BRINP3: variants seen among roughly 807,000 people sequenced by gnomAD.
The protein encoded by BRINP3 is BMP/retinoic acid-inducible neural-specific protein 3.
A neutral mutation model predicts 71.0 loss-of-function variants in BRINP3; 19 were observed. The observed-to-expected ratio is 0.27, with a 90% CI of 0.19 to 0.39. The LOEUF (loss-of-function observed/expected upper bound fraction) is 0.39, where lower values mean the gene tolerates loss of function less well. Among genes scored for constraint, BRINP3 ranks in the 10% least tolerant of loss-of-function variants. BRINP3 has a pLI of 1.00. For missense variants in BRINP3, 959 were observed against 940.8 expected (o/e 1.02, Z -0.25); for synonymous variants, 380 against 337.7 (o/e 1.13, Z -1.37).
chr1:190,472,138 T>A (rs932967119), intron 1 of BRINP3, among the ~76,000 whole-genome samples: 16 of 151,648 alleles, frequency 1.1e-4, no homozygotes, highest in African/African-American at 3.9e-4. Context: ...TATTTGTCCT[T>A]TTAAAGCATC....
chr1:190,352,551 C>G lies in BRINP3; in HGVS notation c.237-70801G>C, dbSNP rs559977619. On this transcript the variant is annotated intron_variant, in intron 2 of 7. Transcript: ENST00000367462. ...ATGATTAAAAATAGAGAGATTGAAGCTCTTAATTGAAGTAAACATATCATA... is the reference window on the plus strand; with the variant it reads ...ATGATTAAAAATAGAGAGATTGAAGGTCTTAATTGAAGTAAACATATCATA... Among the ~76,000 whole-genome samples the G allele has an allele frequency of 2.6e-5, 4 of 151,940 alleles. No homozygotes were observed. The East Asian group carries it at 7.8e-4, about 29-fold the overall frequency.
chr1:190,169,872 T>A (rs1240792194), intron 6 of BRINP3, among the ~76,000 whole-genome samples: 2 of 152,198 alleles, frequency 1.3e-5, no homozygotes, highest in African/African-American at 4.8e-5. Flanking sequence ...GCACTTTACA[T>A]GGATTAGCCC....
In BRINP3 at chr1:190,462,693, G is replaced by A. The variant is rs1156869703; in HGVS notation, c.-50-7753C>T. The stretch of plus-strand genomic sequence containing the variant: ...CGAAATTTTCTTATTTCAGTTCTCA[G>A]CAGCACAGTGTAGTATATATTAAGA... On this transcript the variant is annotated intron_variant, in intron 1 of 7. Transcript: ENST00000367462. Among the ~76,000 whole-genome samples, 3 of 152,006 alleles carry A rather than the reference G, an allele frequency of 2.0e-5. No homozygotes were observed. In the South Asian group the frequency reaches 6.2e-4, roughly 31 times the overall value.
At chr1:190,381,793 G>A (rs1406308597) in intron 2 of BRINP3, among the ~76,000 whole-genome samples, 1 of 152,038 alleles carries the variant, frequency 6.6e-6, no homozygotes, top group Non-Finnish European at 1.5e-5. Context: ...GTAGGTCCTA[G>A]GCATATGGAT....
intron 2 of BRINP3, among the ~76,000 whole-genome samples, chr1:190,286,993 C>T (rs1215797977): frequency 4.0e-5 from 6 of 150,730 alleles, no homozygotes; most frequent in African/African-American, 1.2e-4. Context: ...CTGAGGCGGA[C>T]GGATCACTTC....
intron 2 of BRINP3, among the ~76,000 whole-genome samples, chr1:190,349,249 C>A (rs564677679): frequency 1.1e-3 from 167 of 152,114 alleles, no homozygotes; most frequent in Middle Eastern, 3.4e-3. Flanking sequence ...AATTGGATTT[C>A]TCTATTTTTA....
At chr1:190,118,297 C>T (rs1653321530) in intron 7 of BRINP3, among the ~76,000 whole-genome samples, 2 of 152,068 alleles carry the variant, frequency 1.3e-5, no homozygotes, top group South Asian at 4.1e-4. Context: ...CCCAGCATAA[C>T]TATAAATTAA....
At chr1:190,375,567 T>G (rs1670133895) in intron 2 of BRINP3, among the ~76,000 whole-genome samples, 2 of 152,056 alleles carry the variant, frequency 1.3e-5, no homozygotes, top group South Asian at 4.1e-4. Flanking sequence ...CTCTATATTT[T>G]AATAGGAAAG....
At chr1:190,289,463 T>A (rs1216280972) in intron 2 of BRINP3, among the ~76,000 whole-genome samples, 1 of 151,908 alleles carries the variant, frequency 6.6e-6, no homozygotes, top group Non-Finnish European at 1.5e-5. Context: ...ATATGGTACT[T>A]TGTGACAAAA....
chr1:190,452,169 T>C (rs1231791053), intron 2 of BRINP3, among the ~76,000 whole-genome samples: 1 of 152,200 alleles, frequency 6.6e-6, no homozygotes, highest in Non-Finnish European at 1.5e-5. Flanking sequence ...AAAAGTGAAC[T>C]TTCTAAAATA....
At chr1:190,151,464 G>T (rs973428558) in intron 7 of BRINP3, among the ~76,000 whole-genome samples, 2 of 152,030 alleles carry the variant, frequency 1.3e-5, no homozygotes, top group Non-Finnish European at 2.9e-5. Context: ...TTATCAATTT[G>T]TACTCCATAA....
chr1:190,418,444 T>C (rs902056570), intron 2 of BRINP3, among the ~76,000 whole-genome samples: 2 of 152,186 alleles, frequency 1.3e-5, no homozygotes, highest in South Asian at 4.1e-4. Flanking sequence ...TTTAAAACTC[T>C]CCTTTCCATA....
At chr1:190,324,768 T>C (rs990396020) in intron 2 of BRINP3, among the ~76,000 whole-genome samples, 3 of 151,908 alleles carry the variant, frequency 2.0e-5, no homozygotes, top group African/African-American at 4.8e-5. Flanking sequence ...AAAGCAATGA[T>C]TGTCATGAGG....
intron 7 of BRINP3, among the ~76,000 whole-genome samples, chr1:190,155,768 T>A (rs969866115): frequency 6.6e-6 from 1 of 152,012 alleles, no homozygotes; most frequent in Non-Finnish European, 1.5e-5. Context: ...AGTATAGCAC[T>A]TCCCCCCTAG....
At chr1:190,153,766 T>C (rs1656624344) in intron 7 of BRINP3, among the ~76,000 whole-genome samples, 1 of 152,114 alleles carries the variant, frequency 6.6e-6, no homozygotes, top group African/African-American at 2.4e-5. Context: ...GAGACTGAGG[T>C]TGGAGGATCC....
chr1:190,447,470 A>G (rs1179569177), intron 2 of BRINP3, among the ~76,000 whole-genome samples: 1 of 147,248 alleles, frequency 6.8e-6, no homozygotes, highest in Non-Finnish European at 1.5e-5. Context: ...AGTGTGGAAA[A>G]GGGAAAGAGA....
rs746991968 is a variant in BRINP3, at chr1:190,099,034, G to C, written c.1285C>G (p.Pro429Ala). The C allele has an allele frequency of 6.2e-7, 1 of 1,614,146 alleles. No homozygotes were observed. Among genetic ancestry groups the C allele is most frequent in the African/African-American group, 1.3e-5 (1 of 75,050 alleles). Residue 429 changes from proline (P) to alanine (A), a missense_variant, in exon 8 of 8, where the codon CCG (proline) becomes GCG (alanine). Pro to Ala is a conservative substitution (Grantham distance 27). Coordinates refer to ENST00000367462, the MANE Select transcript of BRINP3 (RefSeq NM_199051.3). Reference protein sequence around the residue: ...FSEETHSCTCPNDQVVCTAFL... With the variant: ...FSEETHSCTCANDQVVCTAFL... Reference sequence around the variant, plus strand: ...GCGGTGCAGACCACCTGGTCATTCGGACACGTGCACGAGTGCGTCTCTTCT... The same window carrying C: ...GCGGTGCAGACCACCTGGTCATTCGCACACGTGCACGAGTGCGTCTCTTCT...
chr1:190,447,816 A>C (rs1675330247), intron 2 of BRINP3, among the ~76,000 whole-genome samples: 1 of 151,642 alleles, frequency 6.6e-6, no homozygotes, highest in Non-Finnish European at 1.5e-5. Context: ...ATCATAATTT[A>C]AGTGACTTTT....
At chr1:190,252,028 T>C (rs573795534) in intron 4 of BRINP3, among the ~76,000 whole-genome samples, 2 of 152,208 alleles carry the variant, frequency 1.3e-5, no homozygotes, top group South Asian at 4.1e-4. Flanking sequence ...TAAAGATTTG[T>C]CAGATACACT....
Sources: gnomAD v4.1 joint callset for allele counts (sites outside exome capture counted in the v4.1 genomes callset) on GRCh38, gnomAD v4.1.1 for gene constraint, MANE v1.5 for transcripts, NCBI Gene and HGNC (gene_info 2026-07-23, HGNC 2026-07-21) for gene names.